SV2C: variants seen among roughly 807,000 people sequenced by gnomAD.
SV2C encodes solute carrier family 22 member B3.
Under a neutral mutation model 79.7 loss-of-function variants are expected in SV2C, and 49 were observed. The ratio of observed to expected loss-of-function variants is 0.61; its 90% confidence interval spans 0.49 to 0.78. SV2C has a LOEUF of 0.78. Ranked by LOEUF, SV2C falls within the 30% of genes least tolerant of loss-of-function variation. SV2C has a pLI of 0.00. For missense variants in SV2C, 833 were observed against 912.9 expected (o/e 0.91, Z 1.13); for synonymous variants, 334 against 333.2 (o/e 1.00, Z -0.03).
At chr5:75,968,266 C>T in the SV2C span, among the ~76,000 whole-genome samples, 12 of 152,310 alleles carry the variant, frequency 7.9e-5, no homozygotes, top group East Asian at 3.9e-4. Context: ...AAAATCAGAG[C>T]GCTTCTCCTC....
intron 1 of SV2C, among the ~76,000 whole-genome samples, chr5:76,121,545 A>G (rs1373330057): frequency 2.0e-5 from 3 of 151,022 alleles, no homozygotes; most frequent in South Asian, 2.1e-4. Context: ...TAATTTTTGT[A>G]TAAGGTGTAA....
intron 12 of SV2C, among the ~76,000 whole-genome samples, chr5:76,319,065 G>T (rs1001451480): frequency 6.6e-6 from 1 of 152,204 alleles, no homozygotes; most frequent in Non-Finnish European, 1.5e-5. Flanking sequence ...CCCCAAGGGA[G>T]AATCACTTTG....
At chr5:76,187,570 C>G (rs542442996) in intron 2 of SV2C, among the ~76,000 whole-genome samples, 2 of 151,984 alleles carry the variant, frequency 1.3e-5, no homozygotes, top group Non-Finnish European at 2.9e-5. Flanking sequence ...GGTTTTCCCC[C>G]CTTTGTACAT....
chr5:76,079,581 T>C (rs770348524), upstream of SV2C: 34 of 327,184 alleles, frequency 1.0e-4, no homozygotes, highest in Non-Finnish European at 2.1e-4. Flanking sequence ...TGAATGAATG[T>C]ATTGAAACAG....
chr5:76,082,609 T>TC (rs1331507122), upstream of SV2C, among the ~76,000 whole-genome samples: 68 of 142,160 alleles, frequency 4.8e-4, 2 homozygotes, highest in Admixed American at 7.1e-5. Flanking sequence ...CTCCTCCTCC[T>TC]CTCTCTCTCT....
the SV2C span, among the ~76,000 whole-genome samples, chr5:76,062,092 A>G: frequency 2.0e-5 from 3 of 152,170 alleles, no homozygotes; most frequent in South Asian, 2.1e-4. Context: ...TGCCATTTCA[A>G]TCTAATAGAA....
chr5:76,269,499 C>T (rs559940432), intron 4 of SV2C, among the ~76,000 whole-genome samples: 1 of 152,190 alleles, frequency 6.6e-6, no homozygotes. Context: ...TGTGAGGTGC[C>T]TGGCACATGG....
chr5:76,195,335 T>C (rs1379540624), intron 3 of SV2C, among the ~76,000 whole-genome samples: 1 of 152,092 alleles, frequency 6.6e-6, no homozygotes, highest in Non-Finnish European at 1.5e-5. Context: ...AGAAGAAGAG[T>C]ATTGTTTTAA....
chr5:76,254,702 ATAC>A (rs1055399024), intron 4 of SV2C, among the ~76,000 whole-genome samples: 3 of 152,230 alleles, frequency 2.0e-5, no homozygotes, highest in African/African-American at 7.2e-5. Flanking sequence ...GCTTAATTAA[ATAC>A]TAATAATTGT....
chr5:76,114,677 C>T (rs1748207513), intron 1 of SV2C, among the ~76,000 whole-genome samples: 1 of 152,198 alleles, frequency 6.6e-6, no homozygotes, highest in African/African-American at 2.4e-5. Flanking sequence ...GTGGGCTAAA[C>T]CCCAGGGTGT....
intron 2 of SV2C, among the ~76,000 whole-genome samples, chr5:76,172,419 G>GT (rs1216561420): frequency 4.7e-5 from 2 of 42,320 alleles, no homozygotes; most frequent in Non-Finnish European, 5.0e-5. Context: ...CGGGAGGGAG[G>GT]TGGGGGGGGT....
At chr5:76,299,520 T>C (rs577794055) in intron 10 of SV2C, among the ~76,000 whole-genome samples, 1 of 152,360 alleles carries the variant, frequency 6.6e-6, no homozygotes, top group East Asian at 1.9e-4. Context: ...ATAACAGATG[T>C]TTGAACCCAG....
the SV2C span, among the ~76,000 whole-genome samples, chr5:76,008,523 T>C: frequency 6.6e-6 from 1 of 152,180 alleles, no homozygotes; most frequent in East Asian, 1.9e-4. Context: ...TCCTGGACTC[T>C]TCTTTTTCTA....
intron 12 of SV2C, among the ~76,000 whole-genome samples, chr5:76,344,710 AAAAT>A (rs775247114): frequency 1.4e-3 from 218 of 152,314 alleles, no homozygotes; most frequent in Non-Finnish European, 6.0e-4. Context: ...ACTCCATCTC[AAAAT>A]AAATAAATAA....
At chr5:75,963,667 C>T in the SV2C span, among the ~76,000 whole-genome samples, 5 of 152,014 alleles carry the variant, frequency 3.3e-5, no homozygotes, top group Non-Finnish European at 7.4e-5. Flanking sequence ...TTACTCAGTA[C>T]TTGATTGGTC....
the SV2C span, among the ~76,000 whole-genome samples, chr5:76,004,052 G>GA: frequency 6.3e-3 from 925 of 147,168 alleles, 11 homozygotes; most frequent in African/African-American, 0.016. Context: ...GAGGGACAAG[G>GA]AAAAAAAAAA....
chr5:76,345,660 C>T (rs1749524260), intron 12 of SV2C, among the ~76,000 whole-genome samples: 1 of 152,170 alleles, frequency 6.6e-6, no homozygotes, highest in Admixed American at 6.5e-5. Context: ...TTGGCTAACT[C>T]AATAGTAATA....
the SV2C span, among the ~76,000 whole-genome samples, chr5:75,913,613 C>A: frequency 6.6e-6 from 1 of 152,274 alleles, no homozygotes; most frequent in African/African-American, 2.4e-5. Flanking sequence ...AATTCCAGAC[C>A]ACATCTTGGG....
At chr5:76,188,570 G>T (rs1264497783) in intron 2 of SV2C, among the ~76,000 whole-genome samples, 1 of 152,078 alleles carries the variant, frequency 6.6e-6, no homozygotes, top group Non-Finnish European at 1.5e-5. Context: ...TACTGCATTT[G>T]ATTTAAAAAA....
Sources: gnomAD v4.1 joint callset for allele counts (sites outside exome capture counted in the v4.1 genomes callset) on GRCh38, gnomAD v4.1.1 for gene constraint, MANE v1.5 for transcripts, NCBI Gene and HGNC (gene_info 2026-07-23, HGNC 2026-07-21) for gene names.